Variants in IRAK1BP1 observed in about 807,000 individuals in gnomAD.
IRAK1BP1 encodes the protein interleukin 1 receptor associated kinase 1 binding protein 1.
A neutral mutation model predicts 28.0 loss-of-function variants in IRAK1BP1; 24 were observed. The ratio of observed to expected loss-of-function variants is 0.86; its 90% CI spans 0.62 to 1.20. The LOEUF (loss-of-function observed/expected upper bound fraction) is 1.20. Among genes scored for constraint, IRAK1BP1 ranks in the 50% most tolerant of loss-of-function variants. The pLI is 0.00. For missense variants in IRAK1BP1, 336 were observed against 316.7 expected, an observed-to-expected ratio of 1.06 and a Z score of -0.46; for synonymous variants, 131 against 116.3, an observed-to-expected ratio of 1.13 and a Z score of -0.81.
the IRAK1BP1 span, among the ~76,000 whole-genome samples, chr6:78,972,433 C>T: frequency 6.6e-6 from 1 of 152,186 alleles, no homozygotes; most frequent in Non-Finnish European, 1.5e-5. Context: ...GGGGAAAAAA[C>T]AGAACAGAAA....
At chr6:78,979,337 C>A in the IRAK1BP1 span, among the ~76,000 whole-genome samples, 1 of 152,130 alleles carries the variant, frequency 6.6e-6, no homozygotes, top group East Asian at 1.9e-4. Flanking sequence ...CCCCACAAAC[C>A]CCAAAGTACA....
chr6:78,941,192 T>G (rs1175983530), intron 4 of IRAK1BP1: 2 of 1,614,092 alleles, frequency 1.2e-6, no homozygotes, highest in Non-Finnish European at 1.7e-6. Context: ...CCTTTTCTTG[T>G]GTATAATTTC....
chr6:78,974,123 G>T, the IRAK1BP1 span, among the ~76,000 whole-genome samples: 5 of 151,692 alleles, frequency 3.3e-5, no homozygotes, highest in African/African-American at 1.2e-4. Context: ...CACATACTTG[G>T]AAGTAAAGCT....
intron 4 of IRAK1BP1, chr6:78,938,847 A>C (rs1021360265): frequency 4.0e-5 from 6 of 151,644 alleles, no homozygotes; most frequent in African/African-American, 9.7e-5. Flanking sequence ...AAAAGCCCAA[A>C]TGTATCACTT....
Position 78,932,418 on chromosome 6 carries a change from TTTC to T in IRAK1BP1, c.*68-12987_*68-12985del, listed in dbSNP as rs1265379720. ...ACAACATGTATTTCTTTTCTTTCTT[TTTC>T]TTTTTTTTTTTTTTTTTGAGATGGA... On this transcript the variant is annotated intron_variant and NMD_transcript_variant, in intron 4 of 4. Coordinates refer to the IRAK1BP1 transcript ENST00000606868. Among the ~76,000 whole-genome samples the T allele has an allele frequency of 1.1e-4, 14 of 124,668 alleles. No homozygotes were observed. The South Asian group carries it at 1.3e-3, about 12-fold the overall frequency. The allele number at this position is 124,668 out of a possible 152,430, so 81.8% of individuals were successfully genotyped here.
downstream of IRAK1BP1, among the ~76,000 whole-genome samples, chr6:78,951,214 C>T (rs1166374792): frequency 1.3e-5 from 2 of 152,014 alleles, no homozygotes; most frequent in South Asian, 2.1e-4. Flanking sequence ...AAATGTTTTG[C>T]AATATTTTGG....
chr6:78,929,195 T>C (rs1772977772), intron 4 of IRAK1BP1, among the ~76,000 whole-genome samples: 3 of 152,134 alleles, frequency 2.0e-5, no homozygotes, highest in African/African-American at 4.8e-5. Flanking sequence ...CATTACTTGT[T>C]ATTGGTCTGT....
At chr6:78,961,433 A>C in the IRAK1BP1 span, among the ~76,000 whole-genome samples, 1 of 152,092 alleles carries the variant, frequency 6.6e-6, no homozygotes, top group Admixed American at 6.6e-5. Flanking sequence ...TCTAGGAAAA[A>C]CTGTATCTAG....
Position 78,898,734 on chromosome 6 carries a change from G to A in IRAK1BP1, c.*400G>A, listed in dbSNP as rs928426986. The stretch of plus-strand genomic sequence containing the variant: ...AAAACCAAATTTTATGTAAAAACTA[G>A]GCTTCAATAAGTTAGCTAAATTTTT... On this transcript the variant is annotated 3_prime_UTR_variant, in exon 4 of 4. Transcript: ENST00000369940. 1 of 151,454 alleles carries A rather than the reference G, an allele frequency of 6.6e-6. No individual in the cohort carries two copies. The highest frequency in any genetic ancestry group is 1.9e-4 in the East Asian group (1 of 5,150). The allele number at this position is 151,454 out of a possible 1,614,324, so 9.4% of individuals were successfully genotyped here. A position where few individuals can be genotyped will look rare whatever the true frequency, so the allele number is the denominator to read the frequency against.
At chr6:78,960,691 T>C in the IRAK1BP1 span, among the ~76,000 whole-genome samples, 1 of 152,076 alleles carries the variant, frequency 6.6e-6, no homozygotes, top group South Asian at 2.1e-4. Flanking sequence ...TCAAGGACAA[T>C]TATGCTCCCC....
intron 4 of IRAK1BP1, among the ~76,000 whole-genome samples, chr6:78,933,668 CTTT>C (rs35416532): frequency 0.066 from 9,049 of 136,560 alleles, 343 homozygotes; most frequent in African/African-American, 0.1. Flanking sequence ...TAGCTTCCAA[CTTT>C]TTTTTTTTTT....
intron 1 of IRAK1BP1, among the ~76,000 whole-genome samples, chr6:78,882,678 T>C (rs1378305771): frequency 6.6e-6 from 1 of 152,096 alleles, no homozygotes; most frequent in Non-Finnish European, 1.5e-5. Flanking sequence ...TGAGAAACTA[T>C]CAAGAGACCA....
intron 4 of IRAK1BP1, chr6:78,941,355 A>C (rs1773492130): frequency 6.4e-7 from 1 of 1,560,572 alleles, no homozygotes; most frequent in Non-Finnish European, 8.7e-7. Context: ...CAGTACACTT[A>C]ATATATGGAG....
downstream of IRAK1BP1, among the ~76,000 whole-genome samples, chr6:78,904,544 A>G (rs532835839): frequency 5.9e-5 from 9 of 152,330 alleles, no homozygotes; most frequent in South Asian, 1.7e-3. Flanking sequence ...TTACTTCCAA[A>G]GGATATTTTA....
the IRAK1BP1 span, among the ~76,000 whole-genome samples, chr6:78,969,360 T>A: frequency 6.6e-6 from 1 of 152,214 alleles, no homozygotes; most frequent in Admixed American, 6.5e-5. Flanking sequence ...TGGCACATCA[T>A]CTATATGTAA....
chr6:78,869,536 A>C (rs1770717195), intron 1 of IRAK1BP1, among the ~76,000 whole-genome samples: 1 of 152,176 alleles, frequency 6.6e-6, no homozygotes. Context: ...TAAGTAAATA[A>C]ATTAACTAAG....
intron 1 of IRAK1BP1, chr6:78,872,046 C>A: frequency 1.5e-6 from 1 of 683,058 alleles, no homozygotes; most frequent in Non-Finnish European, 2.7e-6. Context: ...CAGCCTTCAT[C>A]TGAAGGCTAA....
At chr6:78,951,123 C>T (rs918388399), downstream of IRAK1BP1, among the ~76,000 whole-genome samples, 19 of 152,042 alleles carry the variant, frequency 1.2e-4, no homozygotes, top group East Asian at 7.7e-4. Flanking sequence ...TGGGCTCTTT[C>T]GTTAACAAGT....
intron 1 of IRAK1BP1, among the ~76,000 whole-genome samples, chr6:78,883,470 A>G (rs1398362896): frequency 6.6e-6 from 1 of 152,190 alleles, no homozygotes; most frequent in Admixed American, 6.5e-5. Flanking sequence ...TAAAAACACT[A>G]TTAAAAACAA....
Sources: gnomAD v4.1 joint callset for allele counts (sites outside exome capture counted in the v4.1 genomes callset) on GRCh38, gnomAD v4.1.1 for gene constraint, MANE v1.5 for transcripts, NCBI Gene and HGNC (gene_info 2026-07-23, HGNC 2026-07-21) for gene names.